CGRRF1: variants seen among roughly 807,000 people sequenced by gnomAD.
CGRRF1 encodes cell growth regulator with ring finger domain 1.
In CGRRF1, 32 loss-of-function variants were observed where a neutral mutation model predicts 37.2. That is an observed-to-expected ratio of 0.86 (90% confidence interval 0.65 to 1.16). The LOEUF (loss-of-function observed/expected upper bound fraction) is 1.16. Among genes scored for constraint, CGRRF1 ranks in the 50% most tolerant of loss-of-function variants. The probability of loss-of-function intolerance (pLI) is 0.00; values close to 1 mark genes in which losing one functional copy is unlikely to be tolerated. For synonymous variants in CGRRF1, 141 were observed against 140.3 expected (o/e 1.00, Z -0.04); for missense variants, 391 against 382.6 (o/e 1.02, Z -0.18).
chr14:54,512,520 T>C (rs1178715793), intron 1 of CGRRF1, among the ~76,000 whole-genome samples: 2 of 152,234 alleles, frequency 1.3e-5, no homozygotes, highest in African/African-American at 4.8e-5. Flanking sequence ...TTTATTAAGC[T>C]GTTGACCTCA....
chr14:54,532,125 T>C (rs2032526133), intron 4 of CGRRF1, among the ~76,000 whole-genome samples: 1 of 152,112 alleles, frequency 6.6e-6, no homozygotes, highest in Non-Finnish European at 1.5e-5. Context: ...TTTTTGTGTG[T>C]GTTTGTTTGT....
At chr14:54,524,349 G>A (rs147836895) in intron 2 of CGRRF1, among the ~76,000 whole-genome samples, 52 of 151,234 alleles carry the variant, frequency 3.4e-4, no homozygotes, top group Non-Finnish European at 1.9e-4. Flanking sequence ...AGATCATCAG[G>A]CTTAAGTAAA....
Position 54,522,571 on chromosome 14 carries a change from T to C in CGRRF1, c.222T>C (p.Asn74=). The C allele has an allele frequency of 6.3e-7, 1 of 1,590,500 alleles. No individual in the cohort carries two copies. Among genetic ancestry groups the C allele is most frequent in the Non-Finnish European group, 8.5e-7 (1 of 1,172,578 alleles). Residue 74 remains asparagine, a synonymous_variant, in exon 2 of 6, where the codon AAT becomes AAC. Coordinates refer to ENST00000216420, the MANE Select transcript of CGRRF1 (RefSeq NM_006568.3). ...VKNPFGLEIT[N]PSSASITTGI... is the part of the protein sequence containing the mutation. ...ATCCTTTTGGCTTAGAGATCACTAA[T>C]CCATCTTCAGCTTCAATTACAAGTT...
At chr14:54,511,109 C>T (rs1314987458) in intron 1 of CGRRF1, among the ~76,000 whole-genome samples, 2 of 152,178 alleles carry the variant, frequency 1.3e-5, no homozygotes, top group Non-Finnish European at 2.9e-5. Flanking sequence ...ATAAAGAAGG[C>T]TACGTAAAAC....
intron 4 of CGRRF1, chr14:54,537,357 C>T (rs2032616256): frequency 6.5e-6 from 1 of 153,670 alleles, no homozygotes; most frequent in Non-Finnish European, 1.4e-5. Flanking sequence ...AAAGTGTTTT[C>T]TCTGGTCCCT....
chr14:54,516,791 G>A (rs1445618520), intron 1 of CGRRF1, among the ~76,000 whole-genome samples: 3 of 152,138 alleles, frequency 2.0e-5, no homozygotes, highest in African/African-American at 7.2e-5. Flanking sequence ...TAAGACTTCA[G>A]TTACATGGCT....
intron 1 of CGRRF1, among the ~76,000 whole-genome samples, chr14:54,511,926 C>G (rs2032135912): frequency 6.6e-6 from 1 of 152,210 alleles, no homozygotes; most frequent in African/African-American, 2.4e-5. Flanking sequence ...CAACCATTCT[C>G]TCCATCCGAG....
At chr14:54,519,628 C>T (rs1415877570) in intron 1 of CGRRF1, among the ~76,000 whole-genome samples, 8 of 152,132 alleles carry the variant, frequency 5.3e-5, no homozygotes, top group Admixed American at 5.2e-4. Flanking sequence ...AGTTATAAAC[C>T]TGGCTCTGGC....
intron 1 of CGRRF1, 147 bp from the exon 2 acceptor site, chr14:54,522,307 T>A: frequency 3.7e-6 from 2 of 546,512 alleles, no homozygotes; most frequent in Non-Finnish European, 6.1e-6. Context: ...TTCTGTGGGA[T>A]CTCTAAAATA....
chr14:54,534,337 T>C (rs942120958), intron 4 of CGRRF1, among the ~76,000 whole-genome samples: 2 of 152,006 alleles, frequency 1.3e-5, no homozygotes, highest in Admixed American at 6.6e-5. Context: ...GTTGGCCAGG[T>C]TGGTCTTGAA....
At chr14:54,532,830 TTCTC>T (rs2032538581) in intron 4 of CGRRF1, among the ~76,000 whole-genome samples, 1 of 152,090 alleles carries the variant, frequency 6.6e-6, no homozygotes, top group Non-Finnish European at 1.5e-5. Context: ...CCTCCCTCCT[TTCTC>T]TCAGTTTCAG....
chr14:54,532,701 T>TAA (rs200522235), intron 4 of CGRRF1, among the ~76,000 whole-genome samples: 5 of 120,902 alleles, frequency 4.1e-5, no homozygotes, highest in Admixed American at 8.3e-5. Flanking sequence ...ATTTGATAAG[T>TAA]AAAAAAAAAA....
intron 1 of CGRRF1, 182 bp downstream of exon 1, chr14:54,510,245 T>TC (rs748652463): frequency 1.9e-4 from 116 of 598,970 alleles, no homozygotes; most frequent in Non-Finnish European, 3.0e-4. Context: ...TGCACCTGCG[T>TC]CACTGCCCTG....
intron 1 of CGRRF1, among the ~76,000 whole-genome samples, chr14:54,516,921 T>G (rs936616941): frequency 1.3e-5 from 2 of 152,204 alleles, no homozygotes; most frequent in East Asian, 1.9e-4. Flanking sequence ...TCTTTTATTG[T>G]GCAATACCTA....
chr14:54,530,019 CT>C, intron 2 of CGRRF1, 29 bp from the exon 3 acceptor site: 8 of 1,570,130 alleles, frequency 5.1e-6, no homozygotes, highest in Non-Finnish European at 7.0e-6. Flanking sequence ...CATTAAATCA[CT>C]TTCATTCTTT....
At chr14:54,526,440 C>T (rs1370695997) in intron 2 of CGRRF1, among the ~76,000 whole-genome samples, 1 of 151,216 alleles carries the variant, frequency 6.6e-6, no homozygotes, top group Admixed American at 6.6e-5. Flanking sequence ...TGAGCCACTG[C>T]GCCCTGGCCA....
At chr14:54,525,439 T>G (rs919092113) in intron 2 of CGRRF1, among the ~76,000 whole-genome samples, 2 of 152,254 alleles carry the variant, frequency 1.3e-5, no homozygotes, top group East Asian at 3.8e-4. Flanking sequence ...AACAGTAGTA[T>G]TACTGAAGTC....
At chr14:54,522,320 G>A (rs2032329709) in intron 1 of CGRRF1, 134 bp from the exon 2 acceptor site, 2 of 601,688 alleles carry the variant, frequency 3.3e-6, no homozygotes, top group Admixed American at 4.0e-5. Context: ...CTAAAATAAC[G>A]TAAATTGAGA....
chr14:54,511,431 G>A (rs1232137139), intron 1 of CGRRF1, among the ~76,000 whole-genome samples: 1 of 152,206 alleles, frequency 6.6e-6, no homozygotes, highest in Non-Finnish European at 1.5e-5. Context: ...TTGGAATGAG[G>A]AAGGTGTTGC....
Sources: gnomAD v4.1 joint callset for allele counts (sites outside exome capture counted in the v4.1 genomes callset) on GRCh38, gnomAD v4.1.1 for gene constraint, MANE v1.5 for transcripts, NCBI Gene and HGNC (gene_info 2026-07-23, HGNC 2026-07-21) for gene names.